DNAJC5: variants seen among roughly 807,000 people sequenced by gnomAD.
DNAJC5 encodes the protein DnaJ heat shock protein family (Hsp40) member C5.
Under a neutral mutation model 23.2 loss-of-function variants are expected in DNAJC5, and 1 was observed. The ratio of observed to expected loss-of-function variants is 0.04; its 90% CI spans 0.02 to 0.20. The LOEUF (loss-of-function observed/expected upper bound fraction) is 0.20. Ranked by LOEUF, DNAJC5 falls within the 10% of genes least tolerant of loss-of-function variation. The pLI is 1.00. For missense variants in DNAJC5, 180 were observed against 267.0 expected, an observed-to-expected ratio of 0.67 and a Z score of 2.27; for synonymous variants, 136 against 120.0, an observed-to-expected ratio of 1.13 and a Z score of -0.87.
chr20:63,924,220 A>G (rs1325035651), intron 1 of DNAJC5, among the ~76,000 whole-genome samples: 1 of 152,138 alleles, frequency 6.6e-6, no homozygotes. Flanking sequence ...GCAAAAAAAA[A>G]TCCTCTTGGA....
rs1233603841 is a variant in DNAJC5 at position 63,931,687 on chromosome 20, G to A, written c.*119G>A. On this transcript the variant is annotated 3_prime_UTR_variant, in exon 5 of 5. Transcript: ENST00000360864. The surrounding 1 kb of genome is among the most constrained non-coding windows in gnomAD (Gnocchi z 9.6). ...TCCTGCCTGCCCTGGCCTTGCTGGG[G>A]CCCCTCCTGCCTCCACGCCCACCCA... The A allele has an allele frequency of 1.2e-5, 12 of 1,036,274 alleles. No individual in the cohort carries two copies. The highest frequency in any genetic ancestry group is 1.6e-5 in the Non-Finnish European group (11 of 691,566). The allele number at this position is 1,036,274 out of a possible 1,614,324, so 64.2% of individuals were successfully genotyped here. A position where few individuals can be genotyped will look rare whatever the true frequency, so the allele number is the denominator to read the frequency against.
At chr20:63,923,700 G>A (rs1163337961) in intron 1 of DNAJC5, among the ~76,000 whole-genome samples, 2 of 152,174 alleles carry the variant, frequency 1.3e-5, no homozygotes, top group Admixed American at 6.6e-5. Flanking sequence ...ACTCCAGCCC[G>A]GGCAATAAAG....
chr20:63,907,371 T>C (rs1448273667), intron 1 of DNAJC5, among the ~76,000 whole-genome samples: 2 of 152,214 alleles, frequency 1.3e-5, no homozygotes, highest in Non-Finnish European at 2.9e-5. Context: ...ATCATCATAA[T>C]AGCTAACATT....
intron 1 of DNAJC5, among the ~76,000 whole-genome samples, chr20:63,919,217 T>G (rs1048764719): frequency 1.3e-5 from 2 of 152,256 alleles, no homozygotes; most frequent in African/African-American, 4.8e-5. Flanking sequence ...AGGGACCTGC[T>G]AAACTGCAAG....
chr20:63,917,688 T>C (rs890739751), intron 1 of DNAJC5, among the ~76,000 whole-genome samples: 1 of 152,154 alleles, frequency 6.6e-6, no homozygotes, highest in Non-Finnish European at 1.5e-5. Flanking sequence ...CCTGAGTAGC[T>C]GGGACTACAG....
chr20:63,918,435 T>G (rs2053531969), intron 1 of DNAJC5, among the ~76,000 whole-genome samples: 2 of 152,120 alleles, frequency 1.3e-5, no homozygotes, highest in Admixed American at 1.3e-4. Flanking sequence ...TAATTAGCGT[T>G]TAGGGATAAA....
chr20:63,917,389 G>A (rs2053521935), intron 1 of DNAJC5, among the ~76,000 whole-genome samples: 1 of 151,956 alleles, frequency 6.6e-6, no homozygotes, highest in African/African-American at 2.4e-5. Flanking sequence ...CGAGTAACTG[G>A]GACTGCAGGT....
intron 1 of DNAJC5, among the ~76,000 whole-genome samples, chr20:63,900,646 A>G (rs951864460): frequency 6.6e-6 from 1 of 151,398 alleles, no homozygotes; most frequent in Non-Finnish European, 1.5e-5. Flanking sequence ...ACAGACCTGC[A>G]TATGCCACAA....
Position 63,895,208 on chromosome 20 carries a change from C to CCGA in DNAJC5, c.-125_-124insACG, listed in dbSNP as rs2053365196. ...CCCGCGCCCTCTGCCGCCGCCGCCG[C>CCGA]CGCCGCCCGGGGTCTCCAGGCTGAG... On this transcript the variant is annotated 5_prime_UTR_variant, in exon 1 of 5. Transcript: ENST00000360864. The CCGA allele has an allele frequency of 6.5e-6, 1 of 154,036 alleles. No homozygotes were observed. The highest frequency in any genetic ancestry group is 2.4e-5 in the African/African-American group (1 of 41,166). The allele number at this position is 154,036 out of a possible 1,614,324, so 9.5% of individuals were successfully genotyped here.
chr20:63,899,140 AAGG>A (rs2053393237), intron 1 of DNAJC5, among the ~76,000 whole-genome samples: 1 of 152,172 alleles, frequency 6.6e-6, no homozygotes, highest in Non-Finnish European at 1.5e-5. Flanking sequence ...TGGGAGAAAA[AAGG>A]AGGCAGTAAA....
intron 1 of DNAJC5, among the ~76,000 whole-genome samples, chr20:63,918,906 A>G (rs1375059764): frequency 6.6e-6 from 1 of 152,200 alleles, no homozygotes; most frequent in African/African-American, 2.4e-5. Flanking sequence ...TATGTTCCAT[A>G]TATTTCTTTC....
Position 63,929,419 on chromosome 20 carries a change from A to T in DNAJC5, c.215A>T (p.Lys72Ile). Residue 72 changes from lysine (K) to isoleucine (I), a missense_variant, in exon 3 of 5, where the codon AAA becomes ATA. Physicochemically the swap from Lys to Ile is moderately radical, Grantham distance 102. This residue lies in a region of DNAJC5 where 77 missense variants were observed against 106.8 expected (regional missense o/e 0.72). Coordinates refer to ENST00000360864, the MANE Select transcript of DNAJC5 (RefSeq NM_025219.3). This position sits in a 1 kb window ranked among gnomAD's most constrained non-coding sequence, Gnocchi z 8.6. ...NAHAILTDAT[K>I]RNIYDKYGSL... ...CACGCCATCCTCACGGACGCCACAA[A>T]AAGGAACATCTACGACAAGTACGGC... 6.2e-7 allele frequency: 1 copy of T among 1,614,194 alleles called. No homozygotes were observed. Among genetic ancestry groups the T allele is most frequent in the Non-Finnish European group, 8.5e-7 (1 of 1,180,034 alleles).
intron 1 of DNAJC5, among the ~76,000 whole-genome samples, chr20:63,921,653 C>T (rs978114689): frequency 6.6e-6 from 1 of 152,086 alleles, no homozygotes; most frequent in East Asian, 1.9e-4. Flanking sequence ...ATGAAGACTG[C>T]GAATAACGCT....
intron 1 of DNAJC5, among the ~76,000 whole-genome samples, chr20:63,922,516 G>A (rs949141255): frequency 1.3e-5 from 2 of 151,118 alleles, no homozygotes; most frequent in African/African-American, 4.9e-5. Context: ...CTGTGATCTC[G>A]GCACTTTGGT....
At chr20:63,930,171 T>A (rs574379763) in intron 3 of DNAJC5, among the ~76,000 whole-genome samples, 134 of 152,326 alleles carry the variant, frequency 8.8e-4, no homozygotes, top group Middle Eastern at 3.4e-3. Context: ...AGAATCCTTA[T>A]AAAGTACTTT....
chr20:63,931,220 G>GCGGTAGC lies in DNAJC5; in HGVS notation c.493+201_493+207dup, dbSNP rs1314614704. 4 of 797,534 alleles carry GCGGTAGC rather than the reference G, an allele frequency of 5.0e-6. No individual in the cohort carries two copies. The African/African-American group carries it at 5.1e-5, about 10-fold the overall frequency. 49.4% of individuals were successfully genotyped at this position (797,534 alleles called of 1,614,324 possible). A position where few individuals can be genotyped will look rare whatever the true frequency, so the allele number is the denominator to read the frequency against. ...CATAGAGCTGTCCCCGCCGTGACCT[G>GCGGTAGC]CGGTAGCCGTAGATCCCAGGGACTG... On this transcript the variant is annotated intron_variant, in intron 4 of 4. Transcript: ENST00000360864. The surrounding 1 kb of genome is among the most constrained non-coding windows in gnomAD (Gnocchi z 9.6).
intron 1 of DNAJC5, among the ~76,000 whole-genome samples, chr20:63,908,190 C>T (rs1394614949): frequency 6.6e-6 from 1 of 152,134 alleles, no homozygotes; most frequent in Non-Finnish European, 1.5e-5. Context: ...ACTCTGAAAC[C>T]CTATGTATGT....
At position 63,930,835 on chromosome 20, in the gene DNAJC5, C is replaced by G; in HGVS notation, c.322-16C>G. The G allele has an allele frequency of 6.2e-7, 1 of 1,611,978 alleles. No homozygotes were observed. The highest frequency in any genetic ancestry group is 8.5e-7 in the Non-Finnish European group (1 of 1,179,884). The stretch of plus-strand genomic sequence containing the variant: ...GGCCTCGGAGGCCATGCAACACCAC[C>G]TTCTTCTCCCCCCAGGCCCTGTTTG... On this transcript the variant is annotated splice_polypyrimidine_tract_variant and intron_variant, in intron 3 of 4. Coordinates refer to ENST00000360864, the MANE Select transcript of DNAJC5 (RefSeq NM_025219.3).
chr20:63,926,734 A>G lies in DNAJC5; in HGVS notation c.-11-1601A>G, dbSNP rs369184553. Among the ~76,000 whole-genome samples the G allele has an allele frequency of 1.3e-4, 20 of 152,134 alleles. No homozygotes were observed. In the East Asian group the frequency reaches 3.1e-3, roughly 24 times the overall value. On this transcript the variant is annotated intron_variant, in intron 1 of 4. Transcript: ENST00000360864. ...CTCCTCCCACCCCTTTCTATTCGGG[A>G]CCCCCGTGGACTGGGACGACACTCA... is the stretch of plus-strand genomic sequence containing the variant.
Sources: allele counts gnomAD v4.1 joint callset (sites outside exome capture counted in the v4.1 genomes callset), GRCh38; gene constraint gnomAD v4.1.1; regional missense constraint gnomAD v4.1.1; non-coding constraint Gnocchi (gnomAD v3.1); transcripts MANE v1.5; gene names NCBI Gene and HGNC (gene_info 2026-07-23, HGNC 2026-07-21).